Variants in CDK6 observed in about 807,000 individuals in gnomAD.
The protein encoded by CDK6 is cyclin-dependent kinase 6.
In CDK6, 6 loss-of-function variants were observed where a neutral mutation model predicts 37.1. The ratio of observed to expected loss-of-function variants is 0.16; its 90% CI spans 0.09 to 0.32. The LOEUF (loss-of-function observed/expected upper bound fraction) is 0.32. Among genes scored for constraint, CDK6 ranks in the 10% least tolerant of loss-of-function variants. CDK6 has a pLI of 1.00. For missense variants in CDK6, 224 were observed against 418.9 expected (o/e 0.53, Z 4.06); for synonymous variants, 160 against 161.3 (o/e 0.99, Z 0.06).
chr7:92,629,197 G>A (rs908840709), intron 5 of CDK6, among the ~76,000 whole-genome samples: 1 of 152,098 alleles, frequency 6.6e-6, no homozygotes, highest in African/African-American at 2.4e-5. Flanking sequence ...CCAGGGAAGG[G>A]AGGTGCCACT....
At chr7:92,684,118 T>A (rs1161988123) in intron 4 of CDK6, among the ~76,000 whole-genome samples, 1 of 152,184 alleles carries the variant, frequency 6.6e-6, no homozygotes, top group Admixed American at 6.5e-5. Flanking sequence ...AGTTTAATGG[T>A]GTGAGGCGAG....
intron 4 of CDK6, among the ~76,000 whole-genome samples, chr7:92,676,112 TTTG>T (rs1195824043): frequency 6.6e-6 from 1 of 151,984 alleles, no homozygotes; most frequent in Non-Finnish European, 1.5e-5. Flanking sequence ...TCCTAATTTC[TTTG>T]TTGTTGTTGA....
chr7:92,779,828 G>T (rs11971573), intron 2 of CDK6, among the ~76,000 whole-genome samples: 43 of 152,100 alleles, frequency 2.8e-4, no homozygotes, highest in African/African-American at 1.0e-3. Context: ...AATGCATTTT[G>T]AATCAATGGT....
intron 4 of CDK6, among the ~76,000 whole-genome samples, chr7:92,677,090 A>G (rs888546197): frequency 1.3e-5 from 2 of 152,202 alleles, no homozygotes; most frequent in Non-Finnish European, 2.9e-5. Flanking sequence ...TTTATCCTTA[A>G]GATTTTGCTC....
chr7:92,757,508 T>A (rs929690462), intron 3 of CDK6, among the ~76,000 whole-genome samples: 1 of 152,246 alleles, frequency 6.6e-6, no homozygotes, highest in Non-Finnish European at 1.5e-5. Flanking sequence ...GGCTGCATAG[T>A]ATTCCATGGT....
chr7:92,700,701 G>A (rs1797822842), intron 4 of CDK6, among the ~76,000 whole-genome samples: 1 of 152,258 alleles, frequency 6.6e-6, no homozygotes. Context: ...GAAGGAGATA[G>A]CATGTACAGG....
intron 4 of CDK6, among the ~76,000 whole-genome samples, chr7:92,686,998 T>C (rs1797472080): frequency 6.6e-6 from 1 of 152,226 alleles, no homozygotes; most frequent in African/African-American, 2.4e-5. Context: ...CTGATTTTGT[T>C]TGAGTTCCTT....
intron 6 of CDK6, among the ~76,000 whole-genome samples, 195 bp downstream of exon 6, chr7:92,622,841 C>T (rs796634802): frequency 6.6e-6 from 1 of 152,168 alleles, no homozygotes; most frequent in African/African-American, 2.4e-5. Context: ...GCTTCCAGAG[C>T]AGAGCAGTTA....
chr7:92,696,026 C>A (rs897893073), intron 4 of CDK6, among the ~76,000 whole-genome samples: 1 of 152,150 alleles, frequency 6.6e-6, no homozygotes, highest in Non-Finnish European at 1.5e-5. Flanking sequence ...GACATGTCAG[C>A]GGTATTGGAT....
At chr7:92,773,892 G>A (rs549750114) in intron 3 of CDK6, among the ~76,000 whole-genome samples, 6 of 152,218 alleles carry the variant, frequency 3.9e-5, no homozygotes, top group South Asian at 2.1e-4. Flanking sequence ...TCTAAACAAC[G>A]AATGATAAGG....
At chr7:92,799,752 T>C (rs1172262942) in intron 2 of CDK6, among the ~76,000 whole-genome samples, 3 of 152,184 alleles carry the variant, frequency 2.0e-5, no homozygotes, top group Non-Finnish European at 2.9e-5. Flanking sequence ...TATGCAAAAG[T>C]GATATTCCAA....
At position 92,799,365 on chromosome 7, in the gene CDK6, G is replaced by A. The variant is rs575313515; in HGVS notation, c.234-24534C>T. Reference sequence around the variant, plus strand: ...CAGAATGAGATGCCTACTCCTCCCCGAAACTCTCCCCTCCCATGGCTTCCC... The same window carrying A: ...CAGAATGAGATGCCTACTCCTCCCCAAAACTCTCCCCTCCCATGGCTTCCC... On this transcript the variant is annotated intron_variant, in intron 2 of 7. Transcript: ENST00000424848. Among the ~76,000 whole-genome samples, 288 of 152,090 alleles carry A rather than the reference G, an allele frequency of 1.9e-3. 2 individuals are homozygous for A. Among genetic ancestry groups the A allele is most frequent in the Non-Finnish European group, 3.3e-3 (222 of 67,978 alleles).
chr7:92,767,978 G>C (rs10258193), intron 3 of CDK6, among the ~76,000 whole-genome samples: 3,889 of 152,118 alleles, frequency 0.026, 146 homozygotes, highest in African/African-American at 0.088. Flanking sequence ...CATAATAAGG[G>C]TCTACAATGT....
intron 4 of CDK6, among the ~76,000 whole-genome samples, chr7:92,705,836 T>G (rs1325191821): frequency 2.0e-5 from 3 of 152,248 alleles, no homozygotes; most frequent in Non-Finnish European, 4.4e-5. Flanking sequence ...AAATGCTAAA[T>G]ACAAATTTTC....
In CDK6 at chr7:92,608,826, AG is replaced by A. The variant is rs1048486926; in HGVS notation, c.*6313del. 2.2e-5 allele frequency: 5 copies of A among 231,894 alleles called. No individual in the cohort carries two copies. The highest frequency in any genetic ancestry group is 1.1e-4 in the African/African-American group (5 of 45,242). 14.4% of individuals were successfully genotyped at this position (231,894 alleles called of 1,614,324 possible). A position where few individuals can be genotyped will look rare whatever the true frequency, so the allele number is the denominator to read the frequency against. ...TTTCAGGCACCGGCAGGTGAGTGGG[AG>A]GCGGGGCCCCAGCCCGGCCTCGCCC... is the stretch of plus-strand genomic sequence containing the variant. On this transcript the variant is annotated 3_prime_UTR_variant, in exon 8 of 8. Coordinates refer to ENST00000424848, the MANE Select transcript of CDK6 (RefSeq NM_001145306.2).
chr7:92,654,686 A>G (rs1281159742), intron 5 of CDK6, among the ~76,000 whole-genome samples: 1 of 152,152 alleles, frequency 6.6e-6, no homozygotes, highest in African/African-American at 2.4e-5. Flanking sequence ...GTAAGACAAC[A>G]GCACTATGGA....
intron 5 of CDK6, among the ~76,000 whole-genome samples, chr7:92,645,105 C>T (rs1435779666): frequency 6.6e-6 from 1 of 152,166 alleles, no homozygotes. Context: ...ACCCCAGGTG[C>T]GAATATAAAA....
intron 4 of CDK6, among the ~76,000 whole-genome samples, chr7:92,690,109 C>A (rs1238938368): frequency 6.6e-6 from 1 of 152,120 alleles, no homozygotes; most frequent in East Asian, 1.9e-4. Flanking sequence ...TTTTGCTGTG[C>A]AGAAGCTCTT....
At chr7:92,830,316 T>C (rs1801441455) in intron 2 of CDK6, among the ~76,000 whole-genome samples, 1 of 152,224 alleles carries the variant, frequency 6.6e-6, no homozygotes, top group African/African-American at 2.4e-5. Flanking sequence ...GGCAAATCCA[T>C]CAAAATTAAA....
Sources: allele counts gnomAD v4.1 joint callset (sites outside exome capture counted in the v4.1 genomes callset), GRCh38; gene constraint gnomAD v4.1.1; transcripts MANE v1.5; gene names NCBI Gene and HGNC (gene_info 2026-07-23, HGNC 2026-07-21).